The following UCP3 variants were observed in gnomAD, a reference collection of about 807,000 sequenced individuals.
The protein encoded by UCP3 is putative mitochondrial transporter UCP3.
In UCP3, 24 loss-of-function variants were observed where a neutral mutation model predicts 28.1. That is an observed-to-expected ratio of 0.85 (90% CI 0.62 to 1.20). UCP3 has a LOEUF of 1.20. Among genes scored for constraint, UCP3 ranks in the 50% most tolerant of loss-of-function variants. The pLI, the probability that UCP3 is intolerant of heterozygous loss-of-function variation, is 0.00. For synonymous variants in UCP3, 184 were observed against 171.2 expected, an observed-to-expected ratio of 1.07 and a Z score of -0.59; for missense variants, 397 against 422.2, an observed-to-expected ratio of 0.94 and a Z score of 0.52.
At chr11:74,004,434 G>T in intron 5 of UCP3, 50 bp downstream of exon 5, 1 of 1,571,150 alleles carries the variant, frequency 6.4e-7, no homozygotes, top group Non-Finnish European at 8.7e-7. Context: ...GGAGTTCTGG[G>T]TTCCCTCCCT....
rs986320510 is a variant in UCP3 at position 74,006,834 on chromosome 11, G to A, written c.126+83C>T. ...TTGTCAGGGTTCTGAGGAAGGGCAT[G>A]TGGGCACACGTCATGGGGGATATGG... is the stretch of plus-strand genomic sequence containing the variant. On this transcript the variant is annotated intron_variant, in intron 2 of 6. Transcript: ENST00000314032. 4 of 1,605,990 alleles carry A rather than the reference G, an allele frequency of 2.5e-6. No individual in the cohort carries two copies. The African/African-American group carries it at 5.3e-5, about 21-fold the overall frequency.
rs752284285 is a variant in UCP3, at chr11:74,006,186, G to T, written c.320C>A (p.Thr107Asn). Residue 107 changes from threonine to asparagine, a missense_variant, in exon 3 of 7, where the codon ACC (threonine) becomes AAC (asparagine). Coordinates refer to ENST00000314032, the MANE Select transcript of UCP3 (RefSeq NM_003356.4). Reference sequence around the variant, plus strand: ...TCACTCACTGTCCGCGCCTTTGGGGGTGTACACCTGCTTGACGGAGTCATA... The same window carrying T: ...TCACTCACTGTCCGCGCCTTTGGGGTTGTACACCTGCTTGACGGAGTCATA... ...GLYDSVKQVY[T>N]PKGADNSSLT... is the part of the protein sequence containing the mutation. The T allele has an allele frequency of 1.7e-5, 27 of 1,614,030 alleles. No homozygotes were observed. The highest frequency in any genetic ancestry group is 4.2e-6 in the Non-Finnish European group (5 of 1,180,038).
In UCP3 at chr11:74,004,599, G is replaced by A. The variant is rs372722476; in HGVS notation, c.542-14C>T. ...TGGGCAAAGTTCCTGTTAGGAAGGCGGTGGGGAGGGATGTGAAATGGGTGG... is the reference window on the plus strand; with the variant it reads ...TGGGCAAAGTTCCTGTTAGGAAGGCAGTGGGGAGGGATGTGAAATGGGTGG... On this transcript the variant is annotated splice_polypyrimidine_tract_variant and intron_variant, in intron 4 of 6. Coordinates refer to ENST00000314032, the MANE Select transcript of UCP3 (RefSeq NM_003356.4). 51 of 1,610,374 alleles carry A rather than the reference G, an allele frequency of 3.2e-5. No individual in the cohort carries two copies. Among genetic ancestry groups the A allele is most frequent in the Middle Eastern group, 3.3e-4 (2 of 6,072 alleles).
At chr11:74,004,770 G>T (rs1240692949) in intron 4 of UCP3, among the ~76,000 whole-genome samples, 185 bp from the exon 5 acceptor site, 1 of 152,208 alleles carries the variant, frequency 6.6e-6, no homozygotes, top group African/African-American at 2.4e-5. Flanking sequence ...CCTTTCTAGG[G>T]TTAACAACTC....
chr11:74,004,689 G>A, intron 4 of UCP3, 104 bp from the exon 5 acceptor site: 1 of 1,094,480 alleles, frequency 9.1e-7, no homozygotes, highest in South Asian at 1.5e-5. Context: ...CCCCAGTTTT[G>A]GGGCCATAGT....
At chr11:74,004,456 G>A (rs757526268) in intron 5 of UCP3, 28 bp downstream of exon 5, 2 of 1,609,880 alleles carry the variant, frequency 1.2e-6, no homozygotes, top group East Asian at 2.2e-5. Context: ...CTGAGGGAGA[G>A]CTGCCTGCCT....
intron 5 of UCP3, among the ~76,000 whole-genome samples, 168 bp downstream of exon 5, chr11:74,004,316 G>C (rs1313968897): frequency 6.6e-6 from 1 of 152,184 alleles, no homozygotes; most frequent in Non-Finnish European, 1.5e-5. Context: ...CCCAGCCCAG[G>C]GGTCTTTCCT....
Position 74,001,156 on chromosome 11 carries a change from C to A in UCP3, c.*256G>T. 1 of 506,984 alleles carries A rather than the reference C, an allele frequency of 2.0e-6. No homozygotes were observed. Among genetic ancestry groups the A allele is most frequent in the South Asian group, 2.4e-5 (1 of 41,050 alleles). The allele number at this position is 506,984 out of a possible 1,614,324, so 31.4% of individuals were successfully genotyped here. ...TATTTTCTCTTGCCTAAATATTAGGCATGCCTAATGGGTTTCAAAAATTAA... is the reference window on the plus strand; with the variant it reads ...TATTTTCTCTTGCCTAAATATTAGGAATGCCTAATGGGTTTCAAAAATTAA... On this transcript the variant is annotated 3_prime_UTR_variant, in exon 7 of 7. Coordinates refer to ENST00000314032, the MANE Select transcript of UCP3 (RefSeq NM_003356.4).
chr11:74,002,672 T>C (rs532065902), intron 6 of UCP3: 1 of 867,792 alleles, frequency 1.2e-6, no homozygotes, highest in South Asian at 5.3e-5. Context: ...TACAAGATGC[T>C]CCAGAAATGT....
intron 4 of UCP3, among the ~76,000 whole-genome samples, chr11:74,005,008 G>A (rs1346643157): frequency 6.6e-6 from 1 of 152,306 alleles, no homozygotes; most frequent in African/African-American, 2.4e-5. Context: ...TCAAACCCCT[G>A]GTTTCACAGG....
Position 74,001,271 on chromosome 11 carries a change from C to G in UCP3, c.*141G>C, listed in dbSNP as rs1951619676. 1 of 782,700 alleles carries G rather than the reference C, an allele frequency of 1.3e-6. No homozygotes were observed. Among genetic ancestry groups the G allele is most frequent in the Admixed American group, 2.3e-5 (1 of 43,358 alleles). The allele number at this position is 782,700 out of a possible 1,614,324, so 48.5% of individuals were successfully genotyped here. A position where few individuals can be genotyped will look rare whatever the true frequency, so the allele number is the denominator to read the frequency against. ...CAGAATCCCTCCTCCTCTTCTACTT[C>G]TGTTTCTTGAATCAGCAACAAGTAA... On this transcript the variant is annotated 3_prime_UTR_variant, in exon 7 of 7. Coordinates refer to ENST00000314032, the MANE Select transcript of UCP3 (RefSeq NM_003356.4).
chr11:74,004,705 ATTCC>A, intron 4 of UCP3, 120 bp from the exon 5 acceptor site: 1 of 873,350 alleles, frequency 1.1e-6, no homozygotes, highest in Non-Finnish European at 1.8e-6. Context: ...ATAGTGCCCC[ATTCC>A]AATGGTCTCA....
At chr11:74,003,497 T>C in intron 6 of UCP3, 2 of 1,038,528 alleles carry the variant, frequency 1.9e-6, no homozygotes, top group Non-Finnish European at 2.3e-6. Context: ...GTGGAGACAG[T>C]GAGGAAGGCA....
chr11:74,004,080 CA>C, intron 5 of UCP3, 73 bp from the exon 6 acceptor site: 1 of 1,580,658 alleles, frequency 6.3e-7, no homozygotes, highest in Non-Finnish European at 8.6e-7. Context: ...TGTTTGTCCC[CA>C]ACTCAACCGT....
Position 74,005,988 on chromosome 11 carries a change from C to T in UCP3, c.338-55G>A, listed in dbSNP as rs1951662264. On this transcript the variant is annotated intron_variant, in intron 3 of 6. Transcript: ENST00000314032. ...TCCCCTACTAAGCAGCATTCTGGGA[C>T]ATGCTGTTCTCTGCGGGGCTGCCCC... is the stretch of plus-strand genomic sequence containing the variant. 3.7e-6 allele frequency: 6 copies of T among 1,601,312 alleles called. No individual in the cohort carries two copies. In the East Asian group the frequency reaches 1.3e-4, roughly 36 times the overall value.
rs753566053 is a variant in UCP3 at position 74,001,515 on chromosome 11, G to A, written c.836C>T (p.Ser279Phe). ...GTTCCAGGATCCCAAACGCAAAAAG[G>A]AGGGTGTAAATCTGATAAGAAAAAC... is the stretch of plus-strand genomic sequence containing the variant. ...PTAFYKGFTP[S>F]FLRLGSWNVV... Residue 279 changes from serine to phenylalanine, a missense_variant, in exon 7 of 7, where the codon TCC (serine) becomes TTC (phenylalanine). By Grantham distance (155) the Ser-to-Phe change is radical. Coordinates refer to ENST00000314032, the MANE Select transcript of UCP3 (RefSeq NM_003356.4). 1.9e-6 allele frequency: 3 copies of A among 1,614,044 alleles called. No homozygotes were observed. The highest frequency in any genetic ancestry group is 2.5e-6 in the Non-Finnish European group (3 of 1,180,044).
rs1951639556 is a variant in UCP3 at position 74,003,923 on chromosome 11, G to C, written c.728C>G (p.Thr243Ser). ...GCCTGGAGGTGAGTTCATATACCGG[G>C]TCTTCACCACGTCCACCGGGGAGGC... Reference protein sequence around the residue: ...VVASPVDVVKTRYMNSPPGQY... With the variant: ...VVASPVDVVKSRYMNSPPGQY... The change falls in exon 6 of 7, where the codon ACC (threonine) becomes AGC (serine). Residue 243 changes from threonine (T) to serine (S), a missense_variant. Thr to Ser is a moderately conservative substitution (Grantham distance 58). Coordinates refer to ENST00000314032, the MANE Select transcript of UCP3 (RefSeq NM_003356.4). 1 of 1,614,024 alleles carries C rather than the reference G, an allele frequency of 6.2e-7. No homozygotes were observed. Among genetic ancestry groups the C allele is most frequent in the African/African-American group, 1.3e-5 (1 of 74,916 alleles).
At chr11:74,007,984 GT>G (rs1012266164) in intron 1 of UCP3, among the ~76,000 whole-genome samples, 7 of 152,210 alleles carry the variant, frequency 4.6e-5, no homozygotes, top group African/African-American at 1.7e-4. Flanking sequence ...GGGATGGGAT[GT>G]TCTAGTCAGC....
chr11:74,002,650 G>C (rs1951630218), intron 6 of UCP3: 1 of 655,980 alleles, frequency 1.5e-6, no homozygotes, highest in Non-Finnish European at 1.9e-6. Flanking sequence ...GCATAACCCA[G>C]GGCCTGGCAC....
Sources: gnomAD v4.1 joint callset for allele counts (sites outside exome capture counted in the v4.1 genomes callset) on GRCh38, gnomAD v4.1.1 for gene constraint, MANE v1.5 for transcripts, NCBI Gene and HGNC (gene_info 2026-07-23, HGNC 2026-07-21) for gene names.